Variants in USH1C observed in about 807,000 individuals in gnomAD.
The protein encoded by USH1C is harmonin.
A neutral mutation model predicts 119.3 loss-of-function variants in USH1C; 90 were observed. The ratio of observed to expected loss-of-function variants is 0.75; its 90% CI spans 0.64 to 0.90. The LOEUF is 0.90. Among genes scored for constraint, USH1C ranks in the 40% least tolerant of loss-of-function variants. The probability of loss-of-function intolerance (pLI) is 0.00; values close to 1 mark genes in which losing one functional copy is unlikely to be tolerated. For synonymous variants in USH1C, 465 were observed against 443.3 expected (o/e 1.05, Z -0.62); for missense variants, 1,165 against 1,167.7 (o/e 1.00, Z 0.03).
Position 17,527,259 on chromosome 11 carries a change from T to C in USH1C, c.460A>G (p.Ile154Val), listed in dbSNP as rs780193063. ...SCTHEEVINL[I>V]RTKKTVSIKV... is the part of the protein sequence containing the mutation. Reference sequence around the variant, plus strand: ...ATGGACACAGTTTTCTTGGTTCGAATGAGGTTGATGACCTCCTCATGGGTA... The same window carrying C: ...ATGGACACAGTTTTCTTGGTTCGAACGAGGTTGATGACCTCCTCATGGGTA... Residue 154 changes from isoleucine (I) to valine (V), a missense_variant, in exon 5 of 27, where the codon ATT becomes GTT. Transcript: ENST00000005226. 1 of 1,607,780 alleles carries C rather than the reference T, an allele frequency of 6.2e-7. No individual in the cohort carries two copies. Among genetic ancestry groups the C allele is most frequent in the East Asian group, 2.3e-5 (1 of 44,376 alleles).
At chr11:17,506,053 G>C (rs970346810) in intron 18 of USH1C, 104 bp from the exon 19 acceptor site, 8 of 1,549,020 alleles carry the variant, frequency 5.2e-6, no homozygotes, top group Non-Finnish European at 7.1e-6. Flanking sequence ...ATGCATATGT[G>C]AAGCCAGCCT....
intron 18 of USH1C, among the ~76,000 whole-genome samples, chr11:17,506,700 T>C (rs1208061856): frequency 6.6e-6 from 1 of 152,234 alleles, no homozygotes; most frequent in East Asian, 1.9e-4. Flanking sequence ...CTTCTTCCGC[T>C]TTGCCTCCTA....
In USH1C at chr11:17,495,675, G is replaced by A. The variant is rs1403018876; in HGVS notation, c.2549C>T (p.Ala850Val). ...TTCAGCTACGGAGGAGGGAAGAGAA[G>A]CTCTATATATACAGAGCAGAGCAAG... The part of the protein sequence containing the change: ...CPPKEYDDEL[A>V]SLPSSVAESP... The change falls in exon 26 of 27, where the codon GCT becomes GTT. Residue 850 changes from alanine to valine, a missense_variant and splice_region_variant. Physicochemically the swap from Ala to Val is moderately conservative, Grantham distance 64. Coordinates refer to ENST00000005226, the MANE Select transcript of USH1C (RefSeq NM_153676.4). 8 of 1,614,156 alleles carry A rather than the reference G, an allele frequency of 5.0e-6. No homozygotes were observed. Among genetic ancestry groups the A allele is most frequent in the Non-Finnish European group, 6.8e-6 (8 of 1,180,002 alleles).
At chr11:17,495,141 A>G (rs1324228058) in intron 26 of USH1C, 1 of 241,374 alleles carries the variant, frequency 4.1e-6, no homozygotes. Flanking sequence ...AGGAAGGGGA[A>G]TTTTCACATT....
At position 17,501,146 on chromosome 11, in the gene USH1C, C is replaced by T. The variant is rs774434089; in HGVS notation, c.2285G>A (p.Gly762Glu). 6.2e-7 allele frequency: 1 copy of T among 1,613,348 alleles called. No homozygotes were observed. Among genetic ancestry groups the T allele is most frequent in the South Asian group, 1.1e-5 (1 of 90,904 alleles). ...DVRLLRIKKE[G>E]SLDLALEGGV... ...GCCTTCCAGGGCCAGGTCTAAGGAT[C>T]CCTCCTGGTTAGAGGAAAACAGGCC... Residue 762 changes from glycine to glutamate, a missense_variant, in exon 23 of 27, where the codon GGA becomes GAA. Physicochemically the swap from Gly to Glu is moderately conservative, Grantham distance 98. Transcript: ENST00000005226.
chr11:17,503,219 C>G (rs529971178), intron 20 of USH1C, among the ~76,000 whole-genome samples: 11 of 152,154 alleles, frequency 7.2e-5, no homozygotes, highest in Non-Finnish European at 1.5e-4. Flanking sequence ...AATGCACAGG[C>G]AAGAAGGATC....
In USH1C at chr11:17,498,211, G is replaced by T. The variant is rs397517877; in HGVS notation, c.2441C>A (p.Thr814Asn). ...AINGKIVTDY[T>N]LAEAEAALQK... ...CAGGGCAGCCTCAGCCTCAGCCAGG[G>T]TGTAGTCTGTCACAATCTTGCCGTT... Residue 814 changes from threonine (T) to asparagine (N), a missense_variant, in exon 24 of 27, where the codon ACC becomes AAC. By Grantham distance (65) the Thr-to-Asn change is moderately conservative. Coordinates refer to ENST00000005226, the MANE Select transcript of USH1C (RefSeq NM_153676.4). The T allele has an allele frequency of 1.6e-4, 251 of 1,614,072 alleles. No homozygotes were observed. The highest frequency in any genetic ancestry group is 2.0e-4 in the Non-Finnish European group (241 of 1,180,024).
chr11:17,512,616 C>T (rs549906939), intron 15 of USH1C, among the ~76,000 whole-genome samples: 2 of 152,136 alleles, frequency 1.3e-5, no homozygotes, highest in African/African-American at 2.4e-5. Flanking sequence ...GTAGAGGTCC[C>T]GTCCTAAGCT....
chr11:17,531,894 G>A lies in USH1C; in HGVS notation c.105-352C>T, dbSNP rs1449050882. Among the ~76,000 whole-genome samples the A allele has an allele frequency of 1.3e-5, 2 of 152,150 alleles. No homozygotes were observed. The highest frequency in any genetic ancestry group is 4.8e-5 in the African/African-American group (2 of 41,448). On this transcript the variant is annotated intron_variant, in intron 2 of 26. Transcript: ENST00000005226. This position sits in a 1 kb window ranked among gnomAD's most constrained non-coding sequence, Gnocchi z 4.2. ...CCTCACACACTCATCATCTCCACTC[G>A]TATCTGCTGCTAAGCTCTGTCAATT...
At chr11:17,519,320 C>G (rs371866887) in intron 14 of USH1C, among the ~76,000 whole-genome samples, 1 of 152,180 alleles carries the variant, frequency 6.6e-6, no homozygotes, top group South Asian at 2.1e-4. Flanking sequence ...AGCGGGCAGG[C>G]GGGGGTCATC....
rs1477881273 is a variant in USH1C, at chr11:17,520,895, G to A, written c.1185C>T (p.His395=). 1.2e-6 allele frequency: 2 copies of A among 1,614,120 alleles called. No homozygotes were observed. The highest frequency in any genetic ancestry group is 1.7e-6 in the Non-Finnish European group (2 of 1,179,988). The change falls in exon 14 of 27, where the codon CAC becomes CAT. Residue 395 remains histidine (H), a synonymous_variant. Transcript: ENST00000005226. ...LLPKTITAEV[H]PVPLRKPKSF... ...ACTTTGGCTTGCGAAGGGGTACTGG[G>A]TGTACCTCAGCAGTGATGGTTTTAG...
chr11:17,515,834 C>T (rs781698902), intron 15 of USH1C, among the ~76,000 whole-genome samples: 1 of 152,220 alleles, frequency 6.6e-6, no homozygotes, highest in Non-Finnish European at 1.5e-5. Flanking sequence ...AGCCAGGCTG[C>T]GTCTGGCACA....
Position 17,516,226 on chromosome 11 carries a change from C to G in USH1C, c.1260+15G>C. On this transcript the variant is annotated intron_variant, in intron 15 of 26. Transcript: ENST00000005226. ...ACTAAGCAGCACACCAGCACAGCAC[C>G]CAACCCTGTCCTACCTTCCGGATGG... The G allele has an allele frequency of 1.2e-6, 2 of 1,613,620 alleles. No homozygotes were observed. The highest frequency in any genetic ancestry group is 2.2e-5 in the South Asian group (2 of 90,828).
chr11:17,494,767 C>G (rs1379533589), intron 26 of USH1C: 1 of 324,892 alleles, frequency 3.1e-6, no homozygotes, highest in Admixed American at 4.0e-5. Context: ...AAGTCAAGTC[C>G]AGGCTTGGGT....
chr11:17,533,785 C>T (rs1193862907), intron 1 of USH1C: 1 of 457,940 alleles, frequency 2.2e-6, no homozygotes, highest in South Asian at 1.5e-5. Flanking sequence ...TTAGATAGCA[C>T]ATGCCACTCT....
chr11:17,514,341 C>A (rs1850038704), intron 15 of USH1C: 1 of 152,386 alleles, frequency 6.6e-6, no homozygotes, highest in East Asian at 1.9e-4. Flanking sequence ...GCCTCAGCCT[C>A]CCAAGTAGCT....
chr11:17,502,012 C>T (rs193022906), intron 20 of USH1C, 32 bp from the exon 21 acceptor site: 2 of 1,611,432 alleles, frequency 1.2e-6, no homozygotes, highest in East Asian at 2.2e-5. Flanking sequence ...TAGGGCAACA[C>T]AGCAGAGGGT....
At chr11:17,507,405 C>T (rs892835898) in intron 18 of USH1C, among the ~76,000 whole-genome samples, 1 of 152,190 alleles carries the variant, frequency 6.6e-6, no homozygotes, top group Admixed American at 6.5e-5. Flanking sequence ...CTTGGTGATG[C>T]CTTGAAGAAT....
rs886048057 is a variant in USH1C at position 17,493,956 on chromosome 11, T to G, written c.*376A>C. 1.8e-4 allele frequency: 57 copies of G among 319,816 alleles called. No homozygotes were observed. Among genetic ancestry groups the G allele is most frequent in the Admixed American group, 1.0e-3 (26 of 25,048 alleles). 19.8% of individuals were successfully genotyped at this position (319,816 alleles called of 1,614,324 possible). ...AGAGTAAGGTTTGGAGTGACAATCC[T>G]GGCAGCAATTAGAGCAGAGGGCAGA... On this transcript the variant is annotated 3_prime_UTR_variant, in exon 27 of 27. Coordinates refer to ENST00000005226, the MANE Select transcript of USH1C (RefSeq NM_153676.4).
Sources: gnomAD v4.1 joint callset for allele counts (sites outside exome capture counted in the v4.1 genomes callset) on GRCh38, gnomAD v4.1.1 for gene constraint, Gnocchi (gnomAD v3.1) non-coding constraint, MANE v1.5 for transcripts, NCBI Gene and HGNC (gene_info 2026-07-23, HGNC 2026-07-21) for gene names.